CDKL2: variants seen among roughly 807,000 people sequenced by gnomAD.
CDKL2 encodes cyclin dependent kinase like 2, also known as cyclin-dependent kinase-like 2.
CDKL2 carries 64 observed loss-of-function variants against 63.9 expected under a neutral mutation model. The observed-to-expected ratio is 1.00, with a 90% CI of 0.82 to 1.23. The LOEUF is 1.23. Among genes scored for constraint, CDKL2 ranks in the 50% most tolerant of loss-of-function variants. The probability of loss-of-function intolerance (pLI) is 0.00; values close to 1 mark genes in which losing one functional copy is unlikely to be tolerated. For missense variants in CDKL2, 656 were observed against 668.0 expected (o/e 0.98, Z 0.20); for synonymous variants, 211 against 229.2 (o/e 0.92, Z 0.72).
intron 3 of CDKL2, among the ~76,000 whole-genome samples, chr4:75,613,302 A>G (rs1209158945): frequency 6.6e-6 from 1 of 152,226 alleles, no homozygotes; most frequent in Non-Finnish European, 1.5e-5. Context: ...ACAAAACTAC[A>G]CAATAAAAGA....
chr4:75,591,117 G>T (rs1458891180), intron 12 of CDKL2, among the ~76,000 whole-genome samples: 1 of 152,250 alleles, frequency 6.6e-6, no homozygotes, highest in Admixed American at 6.5e-5. Context: ...GTGAAAATAT[G>T]TCAAATAGAT....
chr4:75,590,209 T>C (rs1184768228), intron 12 of CDKL2, among the ~76,000 whole-genome samples: 3 of 152,228 alleles, frequency 2.0e-5, no homozygotes, highest in Non-Finnish European at 4.4e-5. Flanking sequence ...GTATTGATAC[T>C]CTATGGTTCC....
At chr4:75,598,744 G>A (rs1000738581) in intron 7 of CDKL2, among the ~76,000 whole-genome samples, 2 of 151,964 alleles carry the variant, frequency 1.3e-5, no homozygotes, top group African/African-American at 4.8e-5. Flanking sequence ...GCTACAAACC[G>A]AAACACTATG....
rs141600137 is a variant in CDKL2, at chr4:75,609,222, A to T, written c.364-1861T>A. 1.5e-3 allele frequency among the ~76,000 whole-genome samples: 228 copies of T among 152,224 alleles called. 1 individual carries two copies. Among genetic ancestry groups the T allele is most frequent in the African/African-American group, 5.4e-3 (224 of 41,582 alleles). ...GTATAGACATTCATCAGGCAATTAGAAATGTAAAGAGTAAACAAAAACATT... is the reference window on the plus strand; with the variant it reads ...GTATAGACATTCATCAGGCAATTAGTAATGTAAAGAGTAAACAAAAACATT... On this transcript the variant is annotated intron_variant, in intron 3 of 13. Coordinates refer to ENST00000307465, the MANE Select transcript of CDKL2 (RefSeq NM_001330724.2).
In CDKL2 at chr4:75,578,070, G is replaced by A. The variant is rs1728100251; in HGVS notation, c.*1132C>T. 1 of 151,456 alleles carries A rather than the reference G, an allele frequency of 6.6e-6. No homozygotes were observed. Among genetic ancestry groups the A allele is most frequent in the Non-Finnish European group, 1.5e-5 (1 of 67,918 alleles). The allele number at this position is 151,456 out of a possible 1,614,324, so 9.4% of individuals were successfully genotyped here. A position where few individuals can be genotyped will look rare whatever the true frequency, so the allele number is the denominator to read the frequency against. On this transcript the variant is annotated 3_prime_UTR_variant, in exon 14 of 14. Transcript: ENST00000307465. ...CTAAAATGATAAATGCAGAGCATGT[G>A]TAGAAACCCAGAAATCAAGAACCTG...
chr4:75,607,599 A>G (rs935381098), intron 3 of CDKL2, among the ~76,000 whole-genome samples: 1 of 152,156 alleles, frequency 6.6e-6, no homozygotes, highest in Admixed American at 6.6e-5. Context: ...TACTAAATCA[A>G]CTGTTCAGTT....
chr4:75,624,004 G>A (rs1380605156), intron 2 of CDKL2, among the ~76,000 whole-genome samples: 1 of 151,434 alleles, frequency 6.6e-6, no homozygotes, highest in Non-Finnish European at 1.5e-5. Flanking sequence ...CGTGGTGGCG[G>A]GCGCCTATAG....
In CDKL2 at chr4:75,581,840, T is replaced by C; in HGVS notation, c.1706A>G (p.Gln569Arg). The change falls in exon 13 of 14, where the codon CAG becomes CGG. Residue 569 changes from glutamine to arginine, a missense_variant. Gln to Arg is a conservative substitution (Grantham distance 43). Coordinates refer to ENST00000307465, the MANE Select transcript of CDKL2 (RefSeq NM_001330724.2). ...TCAGAACCAAAATGGTTCTCAGTGC[T>C]GGTGTTCCATTTGAGGCAAATCAGC... ...SGADLPQMEH[Q>R]H The C allele has an allele frequency of 1.2e-6, 2 of 1,611,294 alleles. No individual in the cohort carries two copies. The highest frequency in any genetic ancestry group is 1.7e-6 in the Non-Finnish European group (2 of 1,177,882).
chr4:75,622,715 CAAAAAAAAAAAAAAA>C (rs1171964321), intron 2 of CDKL2, among the ~76,000 whole-genome samples: 4 of 13,956 alleles, frequency 2.9e-4, no homozygotes, highest in African/African-American at 5.2e-4. Context: ...AAGACTCCAT[CAAAAAAAAAAAAAAA>C]AAAAAAAAAA....
At chr4:75,627,617 A>T (rs1284261786) in intron 1 of CDKL2, among the ~76,000 whole-genome samples, 1 of 152,154 alleles carries the variant, frequency 6.6e-6, no homozygotes, top group African/African-American at 2.4e-5. Flanking sequence ...CACTGGATTT[A>T]GATCAATGTT....
intron 2 of CDKL2, among the ~76,000 whole-genome samples, chr4:75,615,752 G>C (rs570633049): frequency 6.6e-6 from 1 of 152,290 alleles, no homozygotes; most frequent in African/African-American, 2.4e-5. Context: ...CAGTGACTTG[G>C]GAGGACAAAG....
intron 12 of CDKL2, among the ~76,000 whole-genome samples, chr4:75,589,321 T>C (rs1174645589): frequency 1.6e-5 from 2 of 121,746 alleles, no homozygotes; most frequent in Non-Finnish European, 3.5e-5. Context: ...TTTTTTTTTT[T>C]TGAGACGGAG....
At chr4:75,620,320 A>G (rs1730103206) in intron 2 of CDKL2, among the ~76,000 whole-genome samples, 1 of 152,218 alleles carries the variant, frequency 6.6e-6, no homozygotes, top group Admixed American at 6.5e-5. Context: ...GGCGATTGAA[A>G]CAGATACAGA....
At chr4:75,623,346 C>A (rs1394069367) in intron 2 of CDKL2, among the ~76,000 whole-genome samples, 1 of 151,980 alleles carries the variant, frequency 6.6e-6, no homozygotes, top group Non-Finnish European at 1.5e-5. Context: ...ACAAATAGAC[C>A]AATGGGACAG....
At chr4:75,584,508 G>C (rs949225808) in intron 12 of CDKL2, among the ~76,000 whole-genome samples, 1 of 152,164 alleles carries the variant, frequency 6.6e-6, no homozygotes, top group African/African-American at 2.4e-5. Context: ...ATTCAGAGAA[G>C]CAGCTGTGCC....
chr4:75,601,534 C>A (rs970453251), intron 6 of CDKL2, among the ~76,000 whole-genome samples: 5 of 151,822 alleles, frequency 3.3e-5, no homozygotes, highest in African/African-American at 1.2e-4. Context: ...ATAAATTAAA[C>A]AAGATTATCA....
intron 1 of CDKL2, among the ~76,000 whole-genome samples, chr4:75,628,981 A>C (rs1730558332): frequency 6.6e-6 from 1 of 152,188 alleles, no homozygotes; most frequent in South Asian, 2.1e-4. Context: ...TTCTACTACA[A>C]ACTTTTTACA....
chr4:75,599,979 G>T (rs570395203), intron 7 of CDKL2, among the ~76,000 whole-genome samples: 1 of 152,294 alleles, frequency 6.6e-6, no homozygotes, highest in South Asian at 2.1e-4. Flanking sequence ...TAAGATGATG[G>T]CATCACACAG....
At chr4:75,588,163 G>A (rs1319666145) in intron 12 of CDKL2, among the ~76,000 whole-genome samples, 2 of 149,276 alleles carry the variant, frequency 1.3e-5, no homozygotes, top group Non-Finnish European at 3.0e-5. Context: ...GCCGTGAGCC[G>A]AGATCGCACC....
Sources: allele counts gnomAD v4.1 joint callset (sites outside exome capture counted in the v4.1 genomes callset), GRCh38; gene constraint gnomAD v4.1.1; transcripts MANE v1.5; gene names NCBI Gene and HGNC (gene_info 2026-07-23, HGNC 2026-07-21).